GOLGB1: variants seen among roughly 807,000 people sequenced by gnomAD.
GOLGB1 encodes golgin subfamily B member 1.
A neutral mutation model predicts 336.9 loss-of-function variants in GOLGB1; 174 were observed. The observed-to-expected ratio is 0.52, with a 90% CI of 0.46 to 0.59. The LOEUF (loss-of-function observed/expected upper bound fraction) is 0.59. Ranked by LOEUF, GOLGB1 falls within the 20% of genes least tolerant of loss-of-function variation. The pLI is 0.00. For missense variants in GOLGB1, 3,331 were observed against 3,645.3 expected (o/e 0.91, Z 2.22); for synonymous variants, 1,208 against 1,289.2 (o/e 0.94, Z 1.35).
Position 121,691,242 on chromosome 3 carries a change from C to A in GOLGB1, c.8122G>T (p.Glu2708Ter). 1 of 1,613,992 alleles carries A rather than the reference C, an allele frequency of 6.2e-7. No individual in the cohort carries two copies. The highest frequency in any genetic ancestry group is 8.5e-7 in the Non-Finnish European group (1 of 1,180,012). Residue 2708 changes from glutamate to a stop codon, truncating the protein, a stop_gained, in exon 14 of 22, where the codon GAG becomes TAG. Coordinates refer to ENST00000614479, the MANE Select transcript of GOLGB1 (RefSeq NM_001366282.2). LOFTEE classifies it high-confidence loss of function. ...TCTCTTGCTAGCTCTGCCACTCTCTCTTCTGCTGTTTCAGTTTCATTTCTC... is the reference window on the plus strand; with the variant it reads ...TCTCTTGCTAGCTCTGCCACTCTCTATTCTGCTGTTTCAGTTTCATTTCTC... ...IMRNETETAE[E>*]RVAELARDLV...
At chr3:121,713,519 C>A (rs990080474) in intron 10 of GOLGB1, among the ~76,000 whole-genome samples, 3 of 152,126 alleles carry the variant, frequency 2.0e-5, no homozygotes, top group African/African-American at 7.2e-5. Flanking sequence ...AAGCTTTACA[C>A]ATAAGAGGAC....
chr3:121,739,322 A>G (rs1946696574), intron 1 of GOLGB1, among the ~76,000 whole-genome samples: 1 of 152,110 alleles, frequency 6.6e-6, no homozygotes, highest in African/African-American at 2.4e-5. Context: ...TACTAGAAGA[A>G]AAAAAAGGAG....
rs2107793052 is a variant in GOLGB1 at position 121,692,401 on chromosome 3, A to G, written c.6963T>C (p.Ser2321=). 6.2e-7 allele frequency: 1 copy of G among 1,612,434 alleles called. No homozygotes were observed. The highest frequency in any genetic ancestry group is 2.2e-5 in the East Asian group (1 of 44,852). ...ELAKLESELK[S]LKDQLTDLSN... is the part of the protein sequence containing the mutation. The stretch of plus-strand genomic sequence containing the variant: ...TTAAATCAGTCAACTGGTCTTTGAG[A>G]CTCTTAAGTTCTGATTCCAACTTAG... The change falls in exon 14 of 22, where the codon AGT becomes AGC. Residue 2321 remains serine, a synonymous_variant. Transcript: ENST00000614479.
intron 10 of GOLGB1, among the ~76,000 whole-genome samples, chr3:121,706,318 A>ACC (rs1943819108): frequency 6.6e-6 from 1 of 152,118 alleles, no homozygotes; most frequent in South Asian, 2.1e-4. Context: ...AGCTCAATGA[A>ACC]CCCCAATCAC....
Position 121,691,856 on chromosome 3 carries a change from A to G in GOLGB1, c.7508T>C (p.Ile2503Thr). ...ATTATTCTCTGCAGCAGCCTCTTGG[A>G]TGAGTTGGTCTTTTTCCAAGATTAT... ...LSIILEKDQL[I>T]QEAAAENNKL... is the part of the protein sequence containing the mutation. Residue 2503 changes from isoleucine to threonine, a missense_variant, in exon 14 of 22, where the codon ATC becomes ACC. Coordinates refer to ENST00000614479, the MANE Select transcript of GOLGB1 (RefSeq NM_001366282.2). 6.2e-7 allele frequency: 1 copy of G among 1,613,372 alleles called. No individual in the cohort carries two copies. Among genetic ancestry groups the G allele is most frequent in the Non-Finnish European group, 8.5e-7 (1 of 1,179,650 alleles).
intron 17 of GOLGB1, among the ~76,000 whole-genome samples, chr3:121,672,994 G>A (rs1939764191): frequency 6.6e-6 from 1 of 151,046 alleles, no homozygotes; most frequent in Non-Finnish European, 1.5e-5. Flanking sequence ...CTGTGTGTCT[G>A]TTTTTATGCC....
chr3:121,670,227 T>C (rs1341299682), intron 17 of GOLGB1, among the ~76,000 whole-genome samples: 1 of 152,218 alleles, frequency 6.6e-6, no homozygotes, highest in Non-Finnish European at 1.5e-5. Context: ...CCAGGTACAT[T>C]AATAACCATG....
At chr3:121,725,971 T>C (rs1301231326) in intron 5 of GOLGB1, among the ~76,000 whole-genome samples, 1 of 148,318 alleles carries the variant, frequency 6.7e-6, no homozygotes, top group African/African-American at 2.5e-5. Flanking sequence ...CCTCCATAAA[T>C]GTAAGAAATA....
rs190043488 is a variant in GOLGB1, at chr3:121,702,010, A to G, written c.1519+471T>C. On this transcript the variant is annotated intron_variant, in intron 11 of 21. Coordinates refer to ENST00000614479, the MANE Select transcript of GOLGB1 (RefSeq NM_001366282.2). ...AAGATGAGTAACAATCATCCAGACTAAAGGAAAGGAGCAGGATTCTAAGCA... is the reference window on the plus strand; with the variant it reads ...AAGATGAGTAACAATCATCCAGACTGAAGGAAAGGAGCAGGATTCTAAGCA... Among the ~76,000 whole-genome samples, 42 of 152,236 alleles carry G rather than the reference A, an allele frequency of 2.8e-4. 1 individual carries two copies. In the East Asian group the frequency reaches 5.8e-3, roughly 21 times the overall value.
intron 14 of GOLGB1, among the ~76,000 whole-genome samples, chr3:121,690,191 G>A (rs1265933328): frequency 1.3e-5 from 2 of 152,116 alleles, no homozygotes; most frequent in South Asian, 4.1e-4. Flanking sequence ...ACAAATTAGG[G>A]TTGAGTTACC....
intron 8 of GOLGB1, 80 bp downstream of exon 8, chr3:121,718,308 G>T: frequency 1.2e-6 from 1 of 817,034 alleles, no homozygotes; most frequent in Non-Finnish European, 2.0e-6. Context: ...CTTTAAATAG[G>T]CTTTTATATC....
chr3:121,676,348 G>C (rs1940372688), intron 17 of GOLGB1, among the ~76,000 whole-genome samples: 1 of 152,176 alleles, frequency 6.6e-6, no homozygotes, highest in Non-Finnish European at 1.5e-5. Flanking sequence ...ATGAGTTCTT[G>C]TGATGAAAAG....
Position 121,692,549 on chromosome 3 carries a change from T to A in GOLGB1, c.6815A>T (p.Lys2272Met), listed in dbSNP as rs1942535495. 6.3e-7 allele frequency: 1 copy of A among 1,596,324 alleles called. No individual in the cohort carries two copies. Among genetic ancestry groups the A allele is most frequent in the Non-Finnish European group, 8.5e-7 (1 of 1,174,216 alleles). Residue 2272 changes from lysine (K) to methionine (M), a missense_variant, in exon 14 of 22, where the codon AAG (lysine) becomes ATG (methionine). Transcript: ENST00000614479. ...LEHDKQIWES[K>M]AQTEVQLQQK... is the part of the protein sequence containing the mutation. ...CTGAAGCTGGACCTCTGTCTGGGCC[T>A]TGGACTCCCAAATCTGCTTGTCATG...
chr3:121,707,637 TAA>T (rs1298773229), intron 10 of GOLGB1, among the ~76,000 whole-genome samples: 2 of 94,458 alleles, frequency 2.1e-5, no homozygotes, highest in Admixed American at 1.1e-4. Context: ...TGTCTCTTAC[TAA>T]AAAAAAAAAA....
chr3:121,668,626 T>A (rs1395063478), intron 18 of GOLGB1: 1 of 145,722 alleles, frequency 6.9e-6, no homozygotes, highest in Non-Finnish European at 1.5e-5. Flanking sequence ...TGAGCCGAGA[T>A]CGTGCTACTG....
chr3:121,696,946 T>C lies in GOLGB1; in HGVS notation c.3577A>G (p.Lys1193Glu), dbSNP rs1943000792. Reference protein sequence around the residue: ...KKLQEALTSRKAILKKAQEKE... With the variant: ...KKLQEALTSREAILKKAQEKE... ...TCCTGTGCCTTTTTAAGAATTGCCT[T>C]GCGGGAGGTTAAGGCTTCCTGTAGC... The change falls in exon 13 of 22, where the codon AAG becomes GAG. Residue 1193 changes from lysine to glutamate, a missense_variant. By Grantham distance (56) the Lys-to-Glu change is moderately conservative. Transcript: ENST00000614479. 1 of 1,614,036 alleles carries C rather than the reference T, an allele frequency of 6.2e-7. No individual in the cohort carries two copies. Among genetic ancestry groups the C allele is most frequent in the Non-Finnish European group, 8.5e-7 (1 of 1,179,970 alleles).
chr3:121,724,004 T>G (rs1184173627), intron 5 of GOLGB1, among the ~76,000 whole-genome samples: 8 of 152,174 alleles, frequency 5.3e-5, no homozygotes, highest in Admixed American at 5.2e-4. Flanking sequence ...CCTCCATAAC[T>G]TCTTATAAAT....
chr3:121,739,374 G>A (rs1247336233), intron 1 of GOLGB1, among the ~76,000 whole-genome samples: 1 of 151,986 alleles, frequency 6.6e-6, no homozygotes, highest in Non-Finnish European at 1.5e-5. Flanking sequence ...ATGGAAGCAC[G>A]TCAGAGAGCC....
At position 121,669,339 on chromosome 3, in the gene GOLGB1, T is replaced by G; in HGVS notation, c.9194A>C (p.Glu3065Ala). 2 of 1,613,844 alleles carry G rather than the reference T, an allele frequency of 1.2e-6. No individual in the cohort carries two copies. The highest frequency in any genetic ancestry group is 1.1e-5 in the South Asian group (1 of 91,070). The change falls in exon 18 of 22, where the codon GAA (glutamate) becomes GCA (alanine). Residue 3065 changes from glutamate to alanine, a missense_variant. By Grantham distance (107) the Glu-to-Ala change is moderately radical (BLOSUM62 -1). Coordinates refer to ENST00000614479, the MANE Select transcript of GOLGB1 (RefSeq NM_001366282.2). ...CTGAATGGAAAGGGTGTTTTTCTCT[T>G]CCAGTAGCTGAGAGAACTGAAACAG... is the stretch of plus-strand genomic sequence containing the variant. ...QLNSNFSQLLEEKNTLSIQLC... is the reference protein window; with the variant it reads ...QLNSNFSQLLAEKNTLSIQLC...
Sources: allele counts gnomAD v4.1 joint callset (sites outside exome capture counted in the v4.1 genomes callset), GRCh38; gene constraint gnomAD v4.1.1; transcripts MANE v1.5; gene names NCBI Gene and HGNC (gene_info 2026-07-23, HGNC 2026-07-21).